CYTIP: variants seen among roughly 807,000 people sequenced by gnomAD.
CYTIP encodes the protein cytohesin 1 interacting protein.
In CYTIP, 26 loss-of-function variants were observed where a neutral mutation model predicts 43.8. The ratio of observed to expected loss-of-function variants is 0.59; its 90% CI spans 0.44 to 0.82. The LOEUF (loss-of-function observed/expected upper bound fraction) is 0.82, where lower values mean the gene tolerates loss of function less well. Ranked by LOEUF, CYTIP falls within the 40% of genes least tolerant of loss-of-function variation. The probability of loss-of-function intolerance (pLI) is 0.00; values close to 1 mark genes in which losing one functional copy is unlikely to be tolerated. For missense variants in CYTIP, 426 were observed against 443.1 expected (o/e 0.96, Z 0.35); for synonymous variants, 162 against 162.9 (o/e 0.99, Z 0.04).
At chr2:157,441,368 T>C (rs1194192965) in intron 1 of CYTIP, among the ~76,000 whole-genome samples, 1 of 152,204 alleles carries the variant, frequency 6.6e-6, no homozygotes. Context: ...GTCTCATTGA[T>C]GATAATTGTA....
intron 1 of CYTIP, among the ~76,000 whole-genome samples, chr2:157,440,053 C>A (rs1398735562): frequency 6.6e-6 from 1 of 152,168 alleles, no homozygotes. Flanking sequence ...CTGGTCCCCA[C>A]TCTATATACT....
intron 2 of CYTIP, 132 bp from the exon 3 acceptor site, chr2:157,434,556 C>T: frequency 1.1e-6 from 1 of 898,586 alleles, no homozygotes; most frequent in Non-Finnish European, 1.8e-6. Flanking sequence ...ATGTAAGATT[C>T]TGTGTGTGTG....
At chr2:157,439,772 T>C (rs138870953) in intron 1 of CYTIP, among the ~76,000 whole-genome samples, 52 of 152,368 alleles carry the variant, frequency 3.4e-4, no homozygotes, top group African/African-American at 1.2e-3. Flanking sequence ...CTAGCCATAA[T>C]ACACTGATAC....
At position 157,430,977 on chromosome 2, in the gene CYTIP, A is replaced by T. The variant is rs773667131; in HGVS notation, c.280-15T>A. 6.3e-7 allele frequency: 1 copy of T among 1,588,572 alleles called. No individual in the cohort carries two copies. The highest frequency in any genetic ancestry group is 1.2e-5 in the South Asian group (1 of 86,936). On this transcript the variant is annotated splice_polypyrimidine_tract_variant and intron_variant, in intron 3 of 7. Coordinates refer to ENST00000264192, the MANE Select transcript of CYTIP (RefSeq NM_004288.5). ...GGCCTGTAAGACTGTAAAAATTAAGATGATATATAGTTACTATTTAACAAC... is the reference window on the plus strand; with the variant it reads ...GGCCTGTAAGACTGTAAAAATTAAGTTGATATATAGTTACTATTTAACAAC...
Position 157,422,777 on chromosome 2 carries a change from A to C in CYTIP, c.547-4188T>G, listed in dbSNP as rs1685542502. 5.9e-5 allele frequency among the ~76,000 whole-genome samples: 9 copies of C among 152,264 alleles called. No individual in the cohort carries two copies. The South Asian group carries it at 1.9e-3, about 32-fold the overall frequency. ...TGAGAGATCAATGTTTATAAGAACA[A>C]GAAATTTGAAATGACAAAACAAGAA... On this transcript the variant is annotated intron_variant, in intron 6 of 7. Transcript: ENST00000264192.
At chr2:157,434,841 TCTCTCTCTCACACACACA>T (rs1391368641) in intron 1 of CYTIP, 94 bp from the exon 2 acceptor site, 20 of 444,494 alleles carry the variant, frequency 4.5e-5, no homozygotes, top group African/African-American at 3.5e-4. Flanking sequence ...TCTCTCTCTC[TCTCTCTCTCACACACACA>T]CACACACACA....
At chr2:157,423,283 G>A (rs577094531) in intron 6 of CYTIP, among the ~76,000 whole-genome samples, 10 of 151,710 alleles carry the variant, frequency 6.6e-5, no homozygotes, top group South Asian at 6.3e-4. Context: ...AGAAAATCCC[G>A]TAGAGAAAGA....
Position 157,427,530 on chromosome 2 carries a change from C to A in CYTIP, c.477-110G>T, listed in dbSNP as rs1685632701. The A allele has an allele frequency of 4.4e-6, 3 of 688,940 alleles. No homozygotes were observed. In the East Asian group the frequency reaches 9.8e-5, roughly 23 times the overall value. The allele number at this position is 688,940 out of a possible 1,614,324, so 42.7% of individuals were successfully genotyped here. A position where few individuals can be genotyped will look rare whatever the true frequency, so the allele number is the denominator to read the frequency against. ...TACTACACTTTGAGCACATACTATA[C>A]TAAAAACGAAATACAAATGTTACAG... is the stretch of plus-strand genomic sequence containing the variant. On this transcript the variant is annotated intron_variant, in intron 5 of 7. Transcript: ENST00000264192.
rs16841768 is a variant in CYTIP, at chr2:157,434,320, C to T, written c.279+50G>A. 8.7e-4 allele frequency: 1,207 copies of T among 1,392,332 alleles called. 10 individuals are homozygous for T. In the African/African-American group the frequency reaches 0.015, roughly 18 times the overall value. The allele number at this position is 1,392,332 out of a possible 1,614,324, so 86.2% of individuals were successfully genotyped here. On this transcript the variant is annotated intron_variant, in intron 3 of 7. Coordinates refer to ENST00000264192, the MANE Select transcript of CYTIP (RefSeq NM_004288.5). ...TTTCTTTGCACATAACATGACACTA[C>T]CGGTGCCACTTTCTTCCTTGGAAGT...
rs1156983447 is a variant in CYTIP at position 157,432,432 on chromosome 2, G to C, written c.280-1470C>G. Among the ~76,000 whole-genome samples, 4 of 152,184 alleles carry C rather than the reference G, an allele frequency of 2.6e-5. No individual in the cohort carries two copies. In the East Asian group the frequency reaches 7.7e-4, roughly 29 times the overall value. ...CACCTGCATTTCTTAGAGACACAAAGATCTCATTGTCCTTTCTCATGCCCA... is the reference window on the plus strand; with the variant it reads ...CACCTGCATTTCTTAGAGACACAAACATCTCATTGTCCTTTCTCATGCCCA... On this transcript the variant is annotated intron_variant, in intron 3 of 7. Coordinates refer to ENST00000264192, the MANE Select transcript of CYTIP (RefSeq NM_004288.5).
Position 157,422,672 on chromosome 2 carries a change from A to AT in CYTIP, c.547-4084_547-4083insA, listed in dbSNP as rs1437252677. Among the ~76,000 whole-genome samples the AT allele has an allele frequency of 3.7e-3, 496 of 133,708 alleles. 4 individuals are homozygous for AT. Among genetic ancestry groups the AT allele is most frequent in the African/African-American group, 0.012 (456 of 39,536 alleles). The allele number at this position is 133,708 out of a possible 152,430, so 87.7% of individuals were successfully genotyped here. On this transcript the variant is annotated intron_variant, in intron 6 of 7. Coordinates refer to ENST00000264192, the MANE Select transcript of CYTIP (RefSeq NM_004288.5). ...GTGACAAGGGCGAAACTCTGTCTCA[A>AT]AAAAAAAAAAAAAAAGAAAAGTGTC...
At chr2:157,440,591 G>T (rs925302018) in intron 1 of CYTIP, among the ~76,000 whole-genome samples, 3 of 152,186 alleles carry the variant, frequency 2.0e-5, no homozygotes, top group African/African-American at 7.2e-5. Context: ...AGCTCCTGCA[G>T]GGCAGAGCCC....
rs1006558411 is a variant in CYTIP, at chr2:157,422,543, G to A, written c.547-3954C>T. On this transcript the variant is annotated intron_variant, in intron 6 of 7. Coordinates refer to ENST00000264192, the MANE Select transcript of CYTIP (RefSeq NM_004288.5). ...AAGTTAGCCAGGCGTGGTGGCAGGT[G>A]CCTGTAATCCCAGCTACTCAGGAGG... Among the ~76,000 whole-genome samples, 4 of 151,862 alleles carry A rather than the reference G, an allele frequency of 2.6e-5. No individual in the cohort carries two copies. In the East Asian group the frequency reaches 7.8e-4, roughly 29 times the overall value.
chr2:157,436,734 T>C (rs2105144923), intron 1 of CYTIP, among the ~76,000 whole-genome samples: 1 of 152,178 alleles, frequency 6.6e-6, no homozygotes, highest in Admixed American at 6.5e-5. Context: ...ACACAGGGCC[T>C]GGAATAGAAT....
chr2:157,438,062 A>C (rs1045467801), intron 1 of CYTIP, among the ~76,000 whole-genome samples: 1 of 152,220 alleles, frequency 6.6e-6, no homozygotes. Flanking sequence ...TATCGAAGAG[A>C]CATCTGCACT....
intron 6 of CYTIP, among the ~76,000 whole-genome samples, chr2:157,426,302 C>G (rs1685606518): frequency 6.6e-6 from 1 of 152,110 alleles, no homozygotes; most frequent in African/African-American, 2.4e-5. Context: ...TTTAATTGCT[C>G]TCATTTATTT....
rs1421858133 is a variant in CYTIP, at chr2:157,430,554, G to A, written c.476+5C>T. ...AAGCCCCACGGGAACTAGACAGATAGTTACGTTAGCAGGTTTCCGGACGAT... is the reference window on the plus strand; with the variant it reads ...AAGCCCCACGGGAACTAGACAGATAATTACGTTAGCAGGTTTCCGGACGAT... On this transcript the variant is annotated splice_donor_5th_base_variant and intron_variant, in intron 5 of 7. Transcript: ENST00000264192. The A allele has an allele frequency of 6.2e-7, 1 of 1,613,262 alleles. No homozygotes were observed. Among genetic ancestry groups the A allele is most frequent in the Non-Finnish European group, 8.5e-7 (1 of 1,179,172 alleles).
chr2:157,429,324 C>T (rs1481737517), intron 5 of CYTIP, among the ~76,000 whole-genome samples: 86 of 152,308 alleles, frequency 5.6e-4, no homozygotes, highest in African/African-American at 1.9e-3. Context: ...GTTCATTTGA[C>T]CATCCTTCTC....
At chr2:157,424,990 T>C (rs1685581356) in intron 6 of CYTIP, among the ~76,000 whole-genome samples, 3 of 152,138 alleles carry the variant, frequency 2.0e-5, no homozygotes, top group Admixed American at 2.0e-4. Context: ...GTTATTCATA[T>C]GGAAAAAAAT....
Sources: gnomAD v4.1 joint callset for allele counts (sites outside exome capture counted in the v4.1 genomes callset) on GRCh38, gnomAD v4.1.1 for gene constraint, MANE v1.5 for transcripts, NCBI Gene and HGNC (gene_info 2026-07-23, HGNC 2026-07-21) for gene names.